COG6: variants seen among roughly 807,000 people sequenced by gnomAD.
COG6 encodes the protein conserved oligomeric Golgi complex subunit 6.
In COG6, 74 loss-of-function variants were observed where a neutral mutation model predicts 88.8. The observed-to-expected ratio is 0.83, with a 90% CI of 0.69 to 1.01. The LOEUF is 1.01. COG6 is among the 50% of genes least tolerant of loss of function. The pLI, the probability that COG6 is intolerant of heterozygous loss-of-function variation, is 0.00. For missense variants in COG6, 800 were observed against 797.9 expected (o/e 1.00, Z -0.03); for synonymous variants, 286 against 278.7 (o/e 1.03, Z -0.26).
intron 13 of COG6, among the ~76,000 whole-genome samples, chr13:39,716,304 CTAATT>C (rs1488335113): frequency 1.1e-4 from 16 of 152,016 alleles, no homozygotes; most frequent in African/African-American, 3.1e-4. Flanking sequence ...ATTAGTGTAG[CTAATT>C]TAATCTAGCT....
chr13:39,682,203 G>A lies in COG6; in HGVS notation c.727G>A (p.Asp243Asn). 1.2e-6 allele frequency: 2 copies of A among 1,612,314 alleles called. No individual in the cohort carries two copies. The highest frequency in any genetic ancestry group is 1.7e-6 in the Non-Finnish European group (2 of 1,178,536). Residue 243 changes from aspartate to asparagine, a missense_variant, in exon 8 of 19, where the codon GAC (aspartate) becomes AAC (asparagine). Coordinates refer to ENST00000455146, the MANE Select transcript of COG6 (RefSeq NM_020751.3). ...ECRTLTQESC[D>N]VSPVLTQAME... Reference sequence around the variant, plus strand: ...CAGAACATTGACACAAGAATCATGTGACGTATCTCCAGTATTGACACAGGC... The same window carrying A: ...CAGAACATTGACACAAGAATCATGTAACGTATCTCCAGTATTGACACAGGC...
intron 13 of COG6, among the ~76,000 whole-genome samples, chr13:39,717,754 G>A (rs1381742369): frequency 6.6e-6 from 1 of 152,038 alleles, no homozygotes. Flanking sequence ...AGTCCTAGCT[G>A]TTAATACTTG....
rs7993729 is a variant in COG6 at position 39,659,157 on chromosome 13, T to G, written c.154-207T>G. On this transcript the variant is annotated intron_variant, in intron 1 of 18. Coordinates refer to ENST00000455146, the MANE Select transcript of COG6 (RefSeq NM_020751.3). ...CCAACAATTCTGCAGTGAATAATCT[T>G]GTATATATAACACTATACACAAGTA... 0.24 allele frequency among the ~76,000 whole-genome samples: 36,868 copies of G among 152,046 alleles called. 4,456 individuals are homozygous for G. Among genetic ancestry groups the G allele is most frequent in the East Asian group, 0.28 (1,442 of 5,164 alleles).
chr13:39,786,569 G>C (rs534001440), intron 18 of COG6, among the ~76,000 whole-genome samples: 3 of 152,308 alleles, frequency 2.0e-5, no homozygotes, highest in South Asian at 4.1e-4. Context: ...TTTGCAGAGA[G>C]AAAATGGTAC....
At chr13:39,666,744 G>C (rs1343811275) in intron 4 of COG6, among the ~76,000 whole-genome samples, 1 of 152,108 alleles carries the variant, frequency 6.6e-6, no homozygotes, top group Non-Finnish European at 1.5e-5. Flanking sequence ...AGATCAACTG[G>C]AATGATCCAT....
chr13:39,742,379 C>G, intron 18 of COG6, among the ~76,000 whole-genome samples: 1 of 152,042 alleles, frequency 6.6e-6, no homozygotes. Context: ...CAGAGACACA[C>G]ATAGGCTCAA....
chr13:39,752,266 CAT>C lies in COG6; in HGVS notation c.*1175_*1176del. ...TTTGAAATATTTTGAAAAGTAATAACATAAAACTAGTATTTGTAGAAGATTAT... is the reference window on the plus strand; with the variant it reads ...TTTGAAATATTTTGAAAAGTAATAACAAAACTAGTATTTGTAGAAGATTAT... On this transcript the variant is annotated 3_prime_UTR_variant, in exon 19 of 19. Coordinates refer to ENST00000455146, the MANE Select transcript of COG6 (RefSeq NM_020751.3). 1.1e-6 allele frequency: 1 copy of C among 921,356 alleles called. No individual in the cohort carries two copies. 57.1% of individuals were successfully genotyped at this position (921,356 alleles called of 1,614,324 possible). A position where few individuals can be genotyped will look rare whatever the true frequency, so the allele number is the denominator to read the frequency against.
intron 18 of COG6, among the ~76,000 whole-genome samples, chr13:39,746,354 G>A (rs1880351977): frequency 6.6e-6 from 1 of 152,094 alleles, no homozygotes; most frequent in Non-Finnish European, 1.5e-5. Context: ...GGACTAGGCT[G>A]TGATTGATCA....
At chr13:39,684,390 C>T (rs1876516156) in intron 8 of COG6, among the ~76,000 whole-genome samples, 1 of 150,650 alleles carries the variant, frequency 6.6e-6, no homozygotes, top group Non-Finnish European at 1.5e-5. Flanking sequence ...GCTGGGACTA[C>T]AGGCGCCCGC....
chr13:39,700,104 A>C (rs1877494278), intron 13 of COG6, among the ~76,000 whole-genome samples: 1 of 151,894 alleles, frequency 6.6e-6, no homozygotes. Flanking sequence ...CAAAATCCTC[A>C]AAGAGTCCTG....
At chr13:39,683,408 C>T (rs1325291832) in intron 8 of COG6, among the ~76,000 whole-genome samples, 1 of 152,054 alleles carries the variant, frequency 6.6e-6, no homozygotes. Flanking sequence ...GAACAGTTTG[C>T]AGGTTGAGGG....
intron 5 of COG6, among the ~76,000 whole-genome samples, chr13:39,678,679 G>A (rs970062306): frequency 1.3e-5 from 2 of 151,986 alleles, no homozygotes; most frequent in African/African-American, 2.4e-5. Flanking sequence ...GGGATCAGAG[G>A]GCAAGAAGGG....
At chr13:39,691,568 G>A (rs892690760) in intron 11 of COG6, among the ~76,000 whole-genome samples, 1 of 151,838 alleles carries the variant, frequency 6.6e-6, no homozygotes, top group African/African-American at 2.4e-5. Context: ...TATTTAGCAG[G>A]TGTTCACAAT....
intron 18 of COG6, among the ~76,000 whole-genome samples, chr13:39,776,848 C>CT (rs1180011816): frequency 6.6e-6 from 1 of 152,122 alleles, no homozygotes; most frequent in African/African-American, 2.4e-5. Context: ...TCTCATTAGT[C>CT]TCATTTGATT....
In COG6 at chr13:39,742,742, C is replaced by T. The variant is rs913042898; in HGVS notation, c.1827-8204C>T. Among the ~76,000 whole-genome samples, 5 of 152,174 alleles carry T rather than the reference C, an allele frequency of 3.3e-5. No homozygotes were observed. In the South Asian group the frequency reaches 6.2e-4, roughly 19 times the overall value. On this transcript the variant is annotated intron_variant, in intron 18 of 18. Transcript: ENST00000455146. The stretch of plus-strand genomic sequence containing the variant: ...TATCCAGGACTTGAACTCACCTCTA[C>T]AGCAAGCAGACCTAATAGACATCTA...
chr13:39,694,846 G>GT (rs1274786813), intron 12 of COG6, 121 bp downstream of exon 12: 2 of 572,364 alleles, frequency 3.5e-6, no homozygotes, highest in Non-Finnish European at 6.4e-6. Context: ...TAGACTAAGC[G>GT]TAACTAGTAG....
intron 17 of COG6, among the ~76,000 whole-genome samples, chr13:39,725,288 A>C (rs1332982035): frequency 2.0e-5 from 3 of 151,322 alleles, no homozygotes; most frequent in Non-Finnish European, 3.0e-5. Context: ...TCCCTGTATT[A>C]ACTCTTTAAT....
intron 18 of COG6, among the ~76,000 whole-genome samples, chr13:39,773,826 T>C (rs1048873991): frequency 6.6e-6 from 1 of 152,004 alleles, no homozygotes; most frequent in African/African-American, 2.4e-5. Flanking sequence ...TGTACTCTAA[T>C]TGGTCCAGAT....
rs17445452 is a variant in COG6 at position 39,698,734 on chromosome 13, T to G, written c.1167-767T>G. 5.9e-4 allele frequency among the ~76,000 whole-genome samples: 90 copies of G among 151,970 alleles called. 1 individual carries two copies. In the South Asian group the frequency reaches 0.016, roughly 28 times the overall value. On this transcript the variant is annotated intron_variant, in intron 12 of 18. Transcript: ENST00000455146. The stretch of plus-strand genomic sequence containing the variant: ...TTATGCCTTTAGAAATTATAATTCC[T>G]TACTGGATTACAGCATATTTTCATA...
Sources: allele counts gnomAD v4.1 joint callset (sites outside exome capture counted in the v4.1 genomes callset), GRCh38; gene constraint gnomAD v4.1.1; transcripts MANE v1.5; gene names NCBI Gene and HGNC (gene_info 2026-07-23, HGNC 2026-07-21).